CDH18: variants seen among roughly 807,000 people sequenced by gnomAD.
CDH18 encodes the protein cadherin-18.
A neutral mutation model predicts 67.9 loss-of-function variants in CDH18; 31 were observed. That is an observed-to-expected ratio of 0.46 (90% CI 0.34 to 0.62). The LOEUF (loss-of-function observed/expected upper bound fraction) is 0.62. Among genes scored for constraint, CDH18 ranks in the 20% least tolerant of loss-of-function variants. The pLI is 0.01. For synonymous variants in CDH18, 362 were observed against 347.2 expected (o/e 1.04, Z -0.48); for missense variants, 890 against 975.5 (o/e 0.91, Z 1.17).
In CDH18 at chr5:19,472,864, C is replaced by G. The variant is rs772166775; in HGVS notation, c.*362G>C. 1.7e-4 allele frequency: 31 copies of G among 187,288 alleles called. No individual in the cohort carries two copies. Among genetic ancestry groups the G allele is most frequent in the Non-Finnish European group, 2.8e-4 (25 of 88,500 alleles). 11.6% of individuals were successfully genotyped at this position (187,288 alleles called of 1,614,324 possible). Reference sequence around the variant, plus strand: ...CCTATAAGTCATAACCACCAGTGATCTTGAGCCTTTCTGTTTAGTTTTGCT... The same window carrying G: ...CCTATAAGTCATAACCACCAGTGATGTTGAGCCTTTCTGTTTAGTTTTGCT... On this transcript the variant is annotated 3_prime_UTR_variant, in exon 13 of 13. Coordinates refer to ENST00000382275, the MANE Select transcript of CDH18 (RefSeq NM_004934.5).
At chr5:19,514,215 T>C (rs1042146004) in intron 10 of CDH18, among the ~76,000 whole-genome samples, 6 of 152,186 alleles carry the variant, frequency 3.9e-5, no homozygotes, top group African/African-American at 1.2e-4. Context: ...ATGGTGTATA[T>C]GTGCCACATT....
chr5:19,718,167 A>G (rs150470382), intron 5 of CDH18, among the ~76,000 whole-genome samples: 5 of 152,096 alleles, frequency 3.3e-5, no homozygotes, highest in African/African-American at 7.2e-5. Flanking sequence ...GAAGAGCACA[A>G]TGGTTAATAA....
At chr5:20,264,645 A>G (rs1744897751) in intron 1 of CDH18, among the ~76,000 whole-genome samples, 1 of 152,102 alleles carries the variant, frequency 6.6e-6, no homozygotes, top group African/African-American at 2.4e-5. Flanking sequence ...CAAAGCGGAA[A>G]AATCTTGTTA....
At chr5:20,259,857 GAT>G (rs929267476) in intron 1 of CDH18, among the ~76,000 whole-genome samples, 11 of 152,158 alleles carry the variant, frequency 7.2e-5, no homozygotes, top group African/African-American at 2.4e-4. Flanking sequence ...AGAGAAGAGA[GAT>G]AGGTTGAGGA....
intron 5 of CDH18, among the ~76,000 whole-genome samples, chr5:19,657,945 T>C (rs1756626578): frequency 6.6e-6 from 1 of 152,108 alleles, no homozygotes; most frequent in Non-Finnish European, 1.5e-5. Flanking sequence ...TGGACAACTC[T>C]TAGTCCTGGC....
intron 1 of CDH18, among the ~76,000 whole-genome samples, chr5:20,408,845 T>C (rs1746523413): frequency 6.6e-6 from 1 of 151,732 alleles, no homozygotes; most frequent in African/African-American, 2.4e-5. Flanking sequence ...CAAGAGATTC[T>C]AGATTTAAAT....
chr5:19,766,806 C>T (rs921388399), intron 3 of CDH18, among the ~76,000 whole-genome samples: 2 of 152,278 alleles, frequency 1.3e-5, no homozygotes, highest in African/African-American at 4.8e-5. Context: ...TTTCCATCCT[C>T]TGTGAAGTTG....
At chr5:20,237,570 A>G (rs1561901380) in intron 2 of CDH18, among the ~76,000 whole-genome samples, 1 of 151,954 alleles carries the variant, frequency 6.6e-6, no homozygotes, top group Non-Finnish European at 1.5e-5. Context: ...TAACGAAATT[A>G]AAAATATGAA....
At chr5:19,849,591 T>G (rs181983746) in intron 2 of CDH18, among the ~76,000 whole-genome samples, 81 of 113,752 alleles carry the variant, frequency 7.1e-4, no homozygotes, top group Non-Finnish European at 1.1e-3. Flanking sequence ...CAAACATATA[T>G]ATATAAACAT....
intron 3 of CDH18, among the ~76,000 whole-genome samples, chr5:19,755,462 C>CATATATATATATATATATATATATAT (rs375579381): frequency 2.5e-5 from 2 of 79,258 alleles, no homozygotes; most frequent in Non-Finnish European, 5.0e-5. Flanking sequence ...TATATATACA[C>CATATATATATATATATATATATATAT]ACACACACAC....
chr5:19,511,861 G>T (rs1279130964), intron 10 of CDH18, among the ~76,000 whole-genome samples: 1 of 152,166 alleles, frequency 6.6e-6, no homozygotes, highest in African/African-American at 2.4e-5. Flanking sequence ...TTTCTGAGGA[G>T]AAATTCAAGT....
At chr5:19,490,146 A>T (rs1002531594) in intron 11 of CDH18, among the ~76,000 whole-genome samples, 16 of 152,076 alleles carry the variant, frequency 1.1e-4, no homozygotes, top group Non-Finnish European at 2.4e-4. Context: ...ACTAAAAAAA[A>T]ATTGTAAGCA....
At chr5:19,610,358 A>G (rs1748746685) in intron 6 of CDH18, among the ~76,000 whole-genome samples, 1 of 151,196 alleles carries the variant, frequency 6.6e-6, no homozygotes, top group Non-Finnish European at 1.5e-5. Context: ...ATTAGGAACA[A>G]ATATCTCTTT....
At chr5:19,501,473 T>A in intron 11 of CDH18, among the ~76,000 whole-genome samples, 2 of 127,262 alleles carry the variant, frequency 1.6e-5, no homozygotes, top group East Asian at 2.3e-4. Flanking sequence ...AACAAAAAAC[T>A]AGCCAGGCAT....
chr5:19,577,870 T>C (rs1415013815), intron 7 of CDH18, among the ~76,000 whole-genome samples: 1 of 152,188 alleles, frequency 6.6e-6, no homozygotes, highest in Non-Finnish European at 1.5e-5. Flanking sequence ...TAATCCTCGA[T>C]TATTTAGGTA....
At chr5:19,832,661 G>A (rs190039237) in intron 3 of CDH18, among the ~76,000 whole-genome samples, 227 of 152,170 alleles carry the variant, frequency 1.5e-3, no homozygotes, top group African/African-American at 5.2e-3. Context: ...ATGGTTTAAG[G>A]TTTTATATTT....
intron 1 of CDH18, among the ~76,000 whole-genome samples, chr5:20,376,354 C>T (rs1004059078): frequency 6.6e-6 from 1 of 151,178 alleles, no homozygotes; most frequent in African/African-American, 2.4e-5. Flanking sequence ...TCCCAAAGTG[C>T]TGGGATTACA....
At chr5:20,314,695 CT>C (rs912549785) in intron 1 of CDH18, among the ~76,000 whole-genome samples, 1 of 152,022 alleles carries the variant, frequency 6.6e-6, no homozygotes, top group African/African-American at 2.4e-5. Context: ...TGTGCTACCA[CT>C]TTTTTAAAAG....
intron 2 of CDH18, among the ~76,000 whole-genome samples, chr5:20,027,141 T>C (rs1420116035): frequency 6.6e-6 from 1 of 152,132 alleles, no homozygotes; most frequent in African/African-American, 2.4e-5. Flanking sequence ...TTCACGACTG[T>C]TTAAAAAATC....
Sources: gnomAD v4.1 joint callset for allele counts (sites outside exome capture counted in the v4.1 genomes callset) on GRCh38, gnomAD v4.1.1 for gene constraint, MANE v1.5 for transcripts, NCBI Gene and HGNC (gene_info 2026-07-23, HGNC 2026-07-21) for gene names.